GAREM2: variants seen among roughly 807,000 people sequenced by gnomAD.
The protein encoded by GAREM2 is GRB2 associated regulator of MAPK1 subtype 2, also known as GRB2-associated and regulator of MAPK protein 2.
GAREM2 carries 30 observed loss-of-function variants against 55.6 expected under a neutral mutation model. The ratio of observed to expected loss-of-function variants is 0.54; its 90% CI spans 0.40 to 0.73. GAREM2 has a LOEUF of 0.73. Ranked by LOEUF, GAREM2 falls within the 30% of genes least tolerant of loss-of-function variation. The probability of loss-of-function intolerance (pLI) is 0.00; values close to 1 mark genes in which losing one functional copy is unlikely to be tolerated. For missense variants in GAREM2, 1,075 were observed against 1,257.7 expected, an observed-to-expected ratio of 0.85 and a Z score of 2.20; for synonymous variants, 550 against 569.1, an observed-to-expected ratio of 0.97 and a Z score of 0.48.
the GAREM2 span, chr2:26,201,399 C>G: frequency 2.1e-6 from 2 of 952,368 alleles, no homozygotes; most frequent in Non-Finnish European, 1.7e-6. Context: ...CAGAGCACAC[C>G]TGTGTTTTTC....
At position 26,187,993 on chromosome 2, in the gene GAREM2, T is replaced by C. The variant is rs761356784; in HGVS notation, c.2361T>C (p.Asp787=). 4 of 1,471,406 alleles carry C rather than the reference T, an allele frequency of 2.7e-6. No homozygotes were observed. The South Asian group carries it at 5.6e-5, about 21-fold the overall frequency. 91.1% of individuals were successfully genotyped at this position (1,471,406 alleles called of 1,614,324 possible). Residue 787 remains aspartate (D), a synonymous_variant, in exon 6 of 6, where the codon GAT becomes GAC. Coordinates refer to ENST00000401533, the MANE Select transcript of GAREM2 (RefSeq NM_001168241.2). ...AAGGGCCTCCTGCCAGTCCCCGGGA[T>C]GGAGCCACAGGCTTTGGAGTCCGAG... The part of the protein sequence containing the change: ...RLEGPPASPR[D]GATGFGVRDA...
At position 26,187,897 on chromosome 2, in the gene GAREM2, C is replaced by A; in HGVS notation, c.2265C>A (p.Thr755=). The change falls in exon 6 of 6, where the codon ACC becomes ACA. Residue 755 remains threonine (T), a synonymous_variant. Transcript: ENST00000401533. ...PEGLVLHQVP[T]PLSPAALQGP... The stretch of plus-strand genomic sequence containing the variant: ...GTTTGGTGCTGCACCAGGTCCCCAC[C>A]CCACTGTCACCAGCTGCTCTGCAGG... The A allele has an allele frequency of 7.0e-7, 1 of 1,438,082 alleles. No homozygotes were observed. The highest frequency in any genetic ancestry group is 9.2e-7 in the Non-Finnish European group (1 of 1,090,728). The allele number at this position is 1,438,082 out of a possible 1,614,324, so 89.1% of individuals were successfully genotyped here. A position where few individuals can be genotyped will look rare whatever the true frequency, so the allele number is the denominator to read the frequency against.
downstream of GAREM2, chr2:26,193,825 C>A: frequency 7.1e-7 from 1 of 1,410,158 alleles, no homozygotes; most frequent in South Asian, 1.2e-5. Flanking sequence ...CAAATCCCCC[C>A]AAAGGGCTCC....
chr2:26,199,050 A>G, the GAREM2 span, among the ~76,000 whole-genome samples: 124,769 of 151,980 alleles, frequency 0.82, 51,556 homozygotes, highest in African/African-American at 0.93. Flanking sequence ...ACCTGCCACC[A>G]TGCCTGGCTA....
Position 26,173,340 on chromosome 2 carries a change from G to C in GAREM2, c.112+8G>C, listed in dbSNP as rs1408308280. On this transcript the variant is annotated splice_region_variant and intron_variant, in intron 1 of 5. Coordinates refer to ENST00000401533, the MANE Select transcript of GAREM2 (RefSeq NM_001168241.2). ...TCGCCTGCCTTGGGCCAGGTACCGG[G>C]GTCGCTGGAGATGGGGACCGGGGTC... The C allele has an allele frequency of 6.6e-6, 9 of 1,367,646 alleles. No individual in the cohort carries two copies. The Admixed American group carries it at 2.0e-4, about 30-fold the overall frequency. The allele number at this position is 1,367,646 out of a possible 1,614,324, so 84.7% of individuals were successfully genotyped here.
the GAREM2 span, chr2:26,201,115 C>T: frequency 1.3e-6 from 2 of 1,517,690 alleles, no homozygotes; most frequent in African/African-American, 2.7e-5. Context: ...CTGTTCACTA[C>T]ACTAGGATTC....
At chr2:26,176,790 C>T (rs1002842160) in intron 2 of GAREM2, among the ~76,000 whole-genome samples, 4 of 152,194 alleles carry the variant, frequency 2.6e-5, no homozygotes, top group Non-Finnish European at 5.9e-5. Context: ...GGTATACCTT[C>T]GGCTGCCACG....
Position 26,176,502 on chromosome 2 carries a change from A to C in GAREM2, c.253+18A>C. The C allele has an allele frequency of 1.3e-6, 2 of 1,519,326 alleles. No individual in the cohort carries two copies. Among genetic ancestry groups the C allele is most frequent in the Non-Finnish European group, 8.9e-7 (1 of 1,127,152 alleles). The allele number at this position is 1,519,326 out of a possible 1,614,324, so 94.1% of individuals were successfully genotyped here. On this transcript the variant is annotated intron_variant, in intron 2 of 5. Coordinates refer to ENST00000401533, the MANE Select transcript of GAREM2 (RefSeq NM_001168241.2). ...GTACCCAGGTGTGTCCAGCCAGGAC[A>C]GATGTCATAAAGCCTGTAGGGGGGT...
chr2:26,202,800 C>T, the GAREM2 span, among the ~76,000 whole-genome samples: 538 of 152,306 alleles, frequency 3.5e-3, 1 homozygote, highest in Non-Finnish European at 5.7e-3. Flanking sequence ...TTGTTTTTGA[C>T]AATCATGACA....
chr2:26,193,857 C>T, downstream of GAREM2: 1 of 1,077,466 alleles, frequency 9.3e-7, no homozygotes, highest in South Asian at 1.3e-5. Flanking sequence ...CCAAACACTG[C>T]CTTGTGTAAA....
At chr2:26,195,081 C>T in the GAREM2 span, 4 of 1,608,538 alleles carry the variant, frequency 2.5e-6, no homozygotes, top group East Asian at 2.2e-5. Context: ...CTCTGTTATA[C>T]AGCCCCTTAC....
chr2:26,184,020 T>C (rs1669137966), intron 3 of GAREM2, among the ~76,000 whole-genome samples: 1 of 152,288 alleles, frequency 6.6e-6, no homozygotes, highest in South Asian at 2.1e-4. Context: ...TTATCAGATA[T>C]GGTCGCTAAG....
chr2:26,203,521 G>A, the GAREM2 span, among the ~76,000 whole-genome samples: 1 of 152,174 alleles, frequency 6.6e-6, no homozygotes, highest in Non-Finnish European at 1.5e-5. Flanking sequence ...TAAAGCCCCA[G>A]ACACTGTGGA....
downstream of GAREM2, chr2:26,189,687 C>G (rs1669429364): frequency 1.9e-5 from 1 of 53,164 alleles, no homozygotes; most frequent in African/African-American, 1.1e-4. Context: ...CTGCTTTCTT[C>G]TTTTGAAAAC....
Position 26,173,307 on chromosome 2 carries a change from G to A in GAREM2, c.87G>A (p.Leu29=). Residue 29 remains leucine, a synonymous_variant, in exon 1 of 6, where the codon CTG becomes CTA. Transcript: ENST00000401533. ...ACCTCATCGTCAGCCGCTGCCGCCT[G>A]CCCACGCTCGCCTGCCTTGGGCCAG... ...PLDLIVSRCR[L]PTLACLGPGE... is the part of the protein sequence containing the mutation. The A allele has an allele frequency of 1.4e-6, 2 of 1,422,664 alleles. No individual in the cohort carries two copies. The highest frequency in any genetic ancestry group is 1.4e-5 in the South Asian group (1 of 71,596). 88.1% of individuals were successfully genotyped at this position (1,422,664 alleles called of 1,614,324 possible).
rs1184408176 is a variant in GAREM2 at position 26,182,403 on chromosome 2, G to A, written c.254-564G>A. 4 of 1,549,096 alleles carry A rather than the reference G, an allele frequency of 2.6e-6. No individual in the cohort carries two copies. The East Asian group carries it at 9.8e-5, about 38-fold the overall frequency. Reference sequence around the variant, plus strand: ...CTGGGGTCAGAGTGGTTCTCCCAGGGCCTTCAAGGGCTGGGCCAGGCCCTG... The same window carrying A: ...CTGGGGTCAGAGTGGTTCTCCCAGGACCTTCAAGGGCTGGGCCAGGCCCTG... On this transcript the variant is annotated intron_variant, in intron 2 of 5. Transcript: ENST00000401533.
At chr2:26,202,034 C>G in the GAREM2 span, among the ~76,000 whole-genome samples, 31 of 151,388 alleles carry the variant, frequency 2.0e-4, no homozygotes, top group Admixed American at 3.9e-4. Flanking sequence ...CTCCTGACCT[C>G]GTGTTCCATC....
chr2:26,176,407 C>T lies in GAREM2; in HGVS notation c.176C>T (p.Thr59Ile). 1 of 1,550,868 alleles carries T rather than the reference C, an allele frequency of 6.4e-7. No homozygotes were observed. The highest frequency in any genetic ancestry group is 8.7e-7 in the Non-Finnish European group (1 of 1,146,494). ...ILLIHSCRQW[T>I]TVTAHTLEEG... Reference sequence around the variant, plus strand: ...CTCATCCACTCCTGCCGGCAGTGGACAACGGTGACAGCTCATACCCTGGAG... The same window carrying T: ...CTCATCCACTCCTGCCGGCAGTGGATAACGGTGACAGCTCATACCCTGGAG... Residue 59 changes from threonine to isoleucine, a missense_variant, in exon 2 of 6, where the codon ACA becomes ATA. Thr to Ile is a moderately conservative substitution (Grantham distance 89, BLOSUM62 -1). This residue lies in a region of GAREM2 where 230 missense variants were observed against 310.6 expected (regional missense o/e 0.74). Coordinates refer to ENST00000401533, the MANE Select transcript of GAREM2 (RefSeq NM_001168241.2).
downstream of GAREM2, chr2:26,193,507 C>T (rs1012467825): frequency 5.5e-6 from 7 of 1,275,274 alleles, no homozygotes; most frequent in Middle Eastern, 1.8e-4. Flanking sequence ...TTCTGTAACT[C>T]TTTGGTCTCA....
Sources: allele counts gnomAD v4.1 joint callset (sites outside exome capture counted in the v4.1 genomes callset), GRCh38; gene constraint gnomAD v4.1.1; regional missense constraint gnomAD v4.1.1; transcripts MANE v1.5; gene names NCBI Gene and HGNC (gene_info 2026-07-23, HGNC 2026-07-21).